CALCRL: variants seen among roughly 807,000 people sequenced by gnomAD.
CALCRL encodes the protein calcitonin gene-related peptide type 1 receptor.
In CALCRL, 27 loss-of-function variants were observed where a neutral mutation model predicts 60.4. The ratio of observed to expected loss-of-function variants is 0.45; its 90% confidence interval spans 0.33 to 0.62. The LOEUF (loss-of-function observed/expected upper bound fraction) is 0.62, where lower values mean the gene tolerates loss of function less well. Among genes scored for constraint, CALCRL ranks in the 20% least tolerant of loss-of-function variants. CALCRL has a pLI of 0.03. For missense variants in CALCRL, 424 were observed against 540.7 expected (o/e 0.78, Z 2.14); for synonymous variants, 190 against 182.6 (o/e 1.04, Z -0.33).
intron 8 of CALCRL, among the ~76,000 whole-genome samples, chr2:187,378,281 A>G (rs1218876326): frequency 6.6e-6 from 1 of 152,134 alleles, no homozygotes; most frequent in Non-Finnish European, 1.5e-5. Flanking sequence ...GATTATATAT[A>G]TGCTGATGAT....
At position 187,346,237 on chromosome 2, in the gene CALCRL, T is replaced by TGGATGC; in HGVS notation, c.1332_1333insGCATCC (p.Lys444_Ser445insAlaSer). 6.2e-7 allele frequency: 1 copy of TGGATGC among 1,611,046 alleles called. No individual in the cohort carries two copies. The highest frequency in any genetic ancestry group is 8.5e-7 in the Non-Finnish European group (1 of 1,178,050). ...AGAACATTTTCAATATCATGGATGCTTTTTCCATTTAAGTGTTCACTAGGA... is the reference window on the plus strand; with the variant it reads ...AGAACATTTTCAATATCATGGATGCTGGATGCTTTTCCATTTAAGTGTTCACTAGGA... On this transcript the variant is annotated inframe_insertion, in exon 15 of 15. Coordinates refer to ENST00000392370, the MANE Select transcript of CALCRL (RefSeq NM_005795.6).
chr2:187,443,236 G>A (rs1372235659), intron 1 of CALCRL, among the ~76,000 whole-genome samples: 2 of 151,688 alleles, frequency 1.3e-5, no homozygotes, highest in Non-Finnish European at 3.0e-5. Flanking sequence ...CTGTTTATCC[G>A]TATGGGTGTT....
intron 1 of CALCRL, among the ~76,000 whole-genome samples, chr2:187,393,680 A>G (rs908909340): frequency 6.6e-6 from 1 of 152,120 alleles, no homozygotes; most frequent in Non-Finnish European, 1.5e-5. Context: ...CTTATGAAAT[A>G]AATTTAATCA....
At chr2:187,377,887 CAA>C (rs1687826799) in intron 8 of CALCRL, among the ~76,000 whole-genome samples, 1 of 151,546 alleles carries the variant, frequency 6.6e-6, no homozygotes, top group South Asian at 2.1e-4. Context: ...ACTGTAGAAA[CAA>C]TATGAAATAA....
chr2:187,349,991 C>A (rs1686455214), intron 14 of CALCRL, among the ~76,000 whole-genome samples: 1 of 151,660 alleles, frequency 6.6e-6, no homozygotes, highest in African/African-American at 2.4e-5. Flanking sequence ...TTTTCTGAGA[C>A]CTGTGTAGAG....
intron 9 of CALCRL, among the ~76,000 whole-genome samples, chr2:187,361,658 T>C (rs927888426): frequency 2.0e-5 from 3 of 151,976 alleles, no homozygotes; most frequent in African/African-American, 7.2e-5. Context: ...AAAATACTTT[T>C]ACATATATTG....
chr2:187,410,363 A>C (rs1184083872), intron 1 of CALCRL, among the ~76,000 whole-genome samples: 1 of 152,164 alleles, frequency 6.6e-6, no homozygotes, highest in Non-Finnish European at 1.5e-5. Context: ...AGCAATGGCA[A>C]TCTGTTTTAC....
At chr2:187,382,227 T>G (rs1162319451) in intron 5 of CALCRL, among the ~76,000 whole-genome samples, 1 of 152,136 alleles carries the variant, frequency 6.6e-6, no homozygotes, top group Non-Finnish European at 1.5e-5. Flanking sequence ...TCTGGTCAAA[T>G]GGATTTTAGA....
chr2:187,345,662 T>TA lies in CALCRL; in HGVS notation c.*521dup, dbSNP rs1371542964. 1.4e-5 allele frequency: 2 copies of TA among 145,484 alleles called. No individual in the cohort carries two copies. Among genetic ancestry groups the TA allele is most frequent in the African/African-American group, 5.0e-5 (2 of 40,224 alleles). 9.0% of individuals were successfully genotyped at this position (145,484 alleles called of 1,614,324 possible). ...GGTATTGTCCATTTGAGAGGGTAGT[T>TA]ACAAAAAGGACTACGGCACTCTGGG... On this transcript the variant is annotated 3_prime_UTR_variant, in exon 15 of 15. Coordinates refer to ENST00000392370, the MANE Select transcript of CALCRL (RefSeq NM_005795.6).
chr2:187,386,829 C>G (rs765306639), intron 3 of CALCRL, among the ~76,000 whole-genome samples: 1 of 152,138 alleles, frequency 6.6e-6, no homozygotes, highest in Non-Finnish European at 1.5e-5. Context: ...CTTTCCACTG[C>G]TGTTCTCCTG....
At chr2:187,437,995 C>T (rs1690724790) in intron 1 of CALCRL, among the ~76,000 whole-genome samples, 1 of 151,996 alleles carries the variant, frequency 6.6e-6, no homozygotes, top group Admixed American at 6.6e-5. Context: ...CAGTATTTTT[C>T]TCAAAGTAAA....
At chr2:187,426,608 G>T (rs933808205) in intron 1 of CALCRL, among the ~76,000 whole-genome samples, 5 of 151,816 alleles carry the variant, frequency 3.3e-5, no homozygotes, top group African/African-American at 1.2e-4. Flanking sequence ...AAACACAAAC[G>T]ATATATAATA....
intron 1 of CALCRL, among the ~76,000 whole-genome samples, chr2:187,393,447 T>C (rs1333456973): frequency 6.6e-6 from 1 of 152,148 alleles, no homozygotes; most frequent in African/African-American, 2.4e-5. Flanking sequence ...TTCTGCAGTG[T>C]TCCCAGGCAT....
In CALCRL at chr2:187,359,232, T is replaced by C. The variant is rs1322790687; in HGVS notation, c.822A>G (p.Arg274=). Residue 274 remains arginine (R), a synonymous_variant, in exon 11 of 15, where the codon AGA becomes AGG. Transcript: ENST00000392370. ...CTTACTTGTCATTGTAATATAAGCT[T>C]CTAGCAATGGCATGTATACAAGCAG... is the stretch of plus-strand genomic sequence containing the variant. The part of the protein sequence containing the change: ...LIPACIHAIA[R]SLYYNDNCWI... 3.8e-6 allele frequency: 6 copies of C among 1,590,736 alleles called. No homozygotes were observed. The highest frequency in any genetic ancestry group is 5.1e-6 in the Non-Finnish European group (6 of 1,167,896).
intron 12 of CALCRL, among the ~76,000 whole-genome samples, chr2:187,354,595 C>G (rs1686686159): frequency 6.6e-6 from 1 of 151,886 alleles, no homozygotes; most frequent in Non-Finnish European, 1.5e-5. Context: ...TGGCCAGGAC[C>G]AAGAAGGAGC....
intron 1 of CALCRL, among the ~76,000 whole-genome samples, chr2:187,445,855 T>C (rs1363502857): frequency 1.3e-5 from 2 of 151,582 alleles, no homozygotes; most frequent in Admixed American, 1.3e-4. Flanking sequence ...GAGAAAACCA[T>C]ATGAATCTTG....
intron 1 of CALCRL, chr2:187,442,105 T>TAC (rs1217736302): frequency 4.6e-5 from 3 of 64,766 alleles, no homozygotes; most frequent in Admixed American, 1.5e-4. Context: ...TATATATATA[T>TAC]ACATACACAC....
intron 1 of CALCRL, among the ~76,000 whole-genome samples, chr2:187,441,070 A>G (rs72904336): frequency 0.055 from 8,415 of 152,074 alleles, 395 homozygotes; most frequent in East Asian, 0.19. Flanking sequence ...GGTATTTGCA[A>G]TGGAATTAGA....
chr2:187,430,687 T>G (rs1224461549), intron 1 of CALCRL, among the ~76,000 whole-genome samples: 1 of 152,076 alleles, frequency 6.6e-6, no homozygotes, highest in Non-Finnish European at 1.5e-5. Context: ...AAATAATATT[T>G]AGAGTCATTT....
Sources: allele counts gnomAD v4.1 joint callset (sites outside exome capture counted in the v4.1 genomes callset), GRCh38; gene constraint gnomAD v4.1.1; transcripts MANE v1.5; gene names NCBI Gene and HGNC (gene_info 2026-07-23, HGNC 2026-07-21).